PLAAT4: variants seen among roughly 807,000 people sequenced by gnomAD.
The protein encoded by PLAAT4 is phospholipase A and acyltransferase 4.
Under a neutral mutation model 14.1 loss-of-function variants are expected in PLAAT4, and 12 were observed. The observed-to-expected ratio is 0.85, with a 90% CI of 0.54 to 1.37. The LOEUF (loss-of-function observed/expected upper bound fraction) is 1.37. Among genes scored for constraint, PLAAT4 ranks in the 40% most tolerant of loss-of-function variants. The probability of loss-of-function intolerance (pLI) is 0.00; values close to 1 mark genes in which losing one functional copy is unlikely to be tolerated. For missense variants in PLAAT4, 163 were observed against 211.7 expected, an observed-to-expected ratio of 0.77 and a Z score of 1.43; for synonymous variants, 77 against 79.8, an observed-to-expected ratio of 0.96 and a Z score of 0.19.
Position 63,543,150 on chromosome 11 carries a change from G to A in PLAAT4, c.119-1471G>A, listed in dbSNP as rs141245603. Among the ~76,000 whole-genome samples, 440 of 152,316 alleles carry A rather than the reference G, an allele frequency of 2.9e-3. 2 individuals carry two copies. Among genetic ancestry groups the A allele is most frequent in the African/African-American group, 9.7e-3 (403 of 41,572 alleles). ...ATAGGGTTATAACATTATCAGGCTT[G>A]TAAAATACTTTATCAAATCAATGCA... is the stretch of plus-strand genomic sequence containing the variant. On this transcript the variant is annotated intron_variant, in intron 2 of 3. Transcript: ENST00000255688.
intron 2 of PLAAT4, 107 bp from the exon 3 acceptor site, chr11:63,544,514 A>C: frequency 7.4e-7 from 1 of 1,351,632 alleles, no homozygotes; most frequent in Non-Finnish European, 1.0e-6. Flanking sequence ...TGAATCCTTC[A>C]ATCACATTTG....
intron 1 of PLAAT4, chr11:63,538,558 G>A (rs1276808917): frequency 4.5e-6 from 1 of 221,016 alleles, no homozygotes. Flanking sequence ...ATCCTGGGAT[G>A]AGGGAGGAGG....
Position 63,546,319 on chromosome 11 carries a change from C to G in PLAAT4, c.*63C>G, listed in dbSNP as rs373842555. ...GGTCCCAGTGGAGATGAGCCTCCCC[C>G]ATGCCTCCAGCAGCCTGACCCTCGT... On this transcript the variant is annotated 3_prime_UTR_variant, in exon 4 of 4. Transcript: ENST00000255688. The G allele has an allele frequency of 1.4e-6, 2 of 1,467,636 alleles. No individual in the cohort carries two copies. Among genetic ancestry groups the G allele is most frequent in the Non-Finnish European group, 1.9e-6 (2 of 1,047,428 alleles). 90.9% of individuals were successfully genotyped at this position (1,467,636 alleles called of 1,614,324 possible).
At chr11:63,541,311 C>T (rs937221847) in intron 2 of PLAAT4, among the ~76,000 whole-genome samples, 6 of 151,954 alleles carry the variant, frequency 3.9e-5, no homozygotes, top group Non-Finnish European at 7.4e-5. Context: ...CCTGCATCAG[C>T]CTCCCGAATA....
At chr11:63,545,107 G>A in intron 3 of PLAAT4, 1 of 642,886 alleles carries the variant, frequency 1.6e-6, no homozygotes, top group Admixed American at 2.8e-5. Context: ...TGCAGAGGAG[G>A]GGGTGGATGG....
At chr11:63,538,552 T>A in intron 1 of PLAAT4, 1 of 219,934 alleles carries the variant, frequency 4.5e-6, no homozygotes, top group South Asian at 4.3e-5. Context: ...TGGGACATCC[T>A]GGGATGAGGG....
At chr11:63,542,667 T>C (rs868667985) in intron 2 of PLAAT4, among the ~76,000 whole-genome samples, 4 of 152,246 alleles carry the variant, frequency 2.6e-5, no homozygotes, top group Admixed American at 2.6e-4. Context: ...GATTCCTGAC[T>C]CACAGCTCCT....
At chr11:63,542,046 G>C (rs1285670580) in intron 2 of PLAAT4, among the ~76,000 whole-genome samples, 2 of 152,070 alleles carry the variant, frequency 1.3e-5, no homozygotes, top group African/African-American at 4.8e-5. Context: ...TTTAAAATAT[G>C]TACCTTATAT....
intron 1 of PLAAT4, among the ~76,000 whole-genome samples, chr11:63,537,648 AC>A (rs568454473): frequency 3.9e-5 from 6 of 152,206 alleles, no homozygotes; most frequent in Non-Finnish European, 7.4e-5. Flanking sequence ...GGTTGCCAGT[AC>A]CTTGACTGTG....
intron 3 of PLAAT4, chr11:63,545,377 A>C: frequency 4.8e-6 from 1 of 208,900 alleles, no homozygotes; most frequent in Non-Finnish European, 9.8e-6. Flanking sequence ...CACTCAACTA[A>C]TAAGTGGCAG....
At chr11:63,538,439 C>T (rs1325395122) in intron 1 of PLAAT4, 4 of 347,538 alleles carry the variant, frequency 1.2e-5, no homozygotes, top group Non-Finnish European at 2.3e-5. Context: ...TATTGACAAG[C>T]ACACCAACAA....
intron 2 of PLAAT4, among the ~76,000 whole-genome samples, chr11:63,543,171 A>G (rs2017335055): frequency 6.6e-6 from 1 of 152,206 alleles, no homozygotes; most frequent in Admixed American, 6.5e-5. Context: ...TATCAAATCA[A>G]TGCATCAGTT....
At chr11:63,538,930 G>A (rs2017295654) in intron 1 of PLAAT4, among the ~76,000 whole-genome samples, 1 of 152,128 alleles carries the variant, frequency 6.6e-6, no homozygotes, top group Non-Finnish European at 1.5e-5. Flanking sequence ...GGAGCTGGGG[G>A]GCCCCACAAG....
In PLAAT4 at chr11:63,539,661, G is replaced by A. The variant is rs190671550; in HGVS notation, c.118+37G>A. ...TGAATATATAATTTTCAAAATATTT[G>A]TTAAAAGGATAATGAGAGGGCCGGG... On this transcript the variant is annotated intron_variant, in intron 2 of 3. Transcript: ENST00000255688. 3.0e-5 allele frequency: 45 copies of A among 1,524,780 alleles called. No individual in the cohort carries two copies. The African/African-American group carries it at 4.8e-4, about 16-fold the overall frequency. 94.5% of individuals were successfully genotyped at this position (1,524,780 alleles called of 1,614,324 possible). A position where few individuals can be genotyped will look rare whatever the true frequency, so the allele number is the denominator to read the frequency against.
Position 63,544,323 on chromosome 11 carries a change from A to G in PLAAT4, c.119-298A>G, listed in dbSNP as rs1009214554. Among the ~76,000 whole-genome samples, 10 of 152,214 alleles carry G rather than the reference A, an allele frequency of 6.6e-5. No individual in the cohort carries two copies. In the East Asian group the frequency reaches 1.7e-3, roughly 26 times the overall value. ...CCTTATTTTATTAAAAAAAGAGAGC[A>G]AAATCTATTAGCCCGGCGTGGTGGT... On this transcript the variant is annotated intron_variant, in intron 2 of 3. Transcript: ENST00000255688.
At chr11:63,540,527 G>A (rs1590663530) in intron 2 of PLAAT4, among the ~76,000 whole-genome samples, 1 of 152,002 alleles carries the variant, frequency 6.6e-6, no homozygotes, top group Non-Finnish European at 1.5e-5. Flanking sequence ...AATGAAAGGG[G>A]AAAAAACGAA....
chr11:63,541,112 G>T (rs1032588669), intron 2 of PLAAT4, among the ~76,000 whole-genome samples: 1 of 151,936 alleles, frequency 6.6e-6, no homozygotes, highest in African/African-American at 2.4e-5. Flanking sequence ...TAATCCAGAT[G>T]ATCCTCAGGG....
intron 2 of PLAAT4, among the ~76,000 whole-genome samples, chr11:63,540,171 G>A (rs139601274): frequency 1.2e-3 from 189 of 152,278 alleles, no homozygotes; most frequent in African/African-American, 4.5e-3. Flanking sequence ...CTTCAGCATT[G>A]GGATCTCTCC....
Position 63,546,246 on chromosome 11 carries a change from C to T in PLAAT4, c.485C>T (p.Ala162Val), listed in dbSNP as rs35845275. The T allele has an allele frequency of 3.3e-5, 53 of 1,613,870 alleles. No individual in the cohort carries two copies. Among genetic ancestry groups the T allele is most frequent in the South Asian group, 2.6e-4 (24 of 91,078 alleles). The change falls in exon 4 of 4, where the codon GCG becomes GTG. Residue 162 changes from alanine (A) to valine (V), a missense_variant. By Grantham distance (64) the Ala-to-Val change is moderately conservative. Coordinates refer to ENST00000255688, the MANE Select transcript of PLAAT4 (RefSeq NM_004585.5). ...GCGATTAGGAGATACCAAAAAAAAG[C>T]GACAGCCTGAAGCAGCCACAAAATC... Reference protein sequence around the residue: ...SFAIRRYQKKATA With the variant: ...SFAIRRYQKKVTA
Sources: gnomAD v4.1 joint callset for allele counts (sites outside exome capture counted in the v4.1 genomes callset) on GRCh38, gnomAD v4.1.1 for gene constraint, MANE v1.5 for transcripts, NCBI Gene and HGNC (gene_info 2026-07-23, HGNC 2026-07-21) for gene names.